Variants in SHQ1 observed in about 807,000 individuals in gnomAD.
SHQ1 encodes the protein protein SHQ1 homolog.
A neutral mutation model predicts 53.8 loss-of-function variants in SHQ1; 49 were observed. The observed-to-expected ratio is 0.91, with a 90% CI of 0.72 to 1.16. The LOEUF (loss-of-function observed/expected upper bound fraction) is 1.16. Among genes scored for constraint, SHQ1 ranks in the 50% most tolerant of loss-of-function variants. SHQ1 has a pLI of 0.00. For missense variants in SHQ1, 738 were observed against 683.1 expected (o/e 1.08, Z -0.90); for synonymous variants, 243 against 251.0 (o/e 0.97, Z 0.30).
chr3:72,812,613 C>A (rs1707159008), intron 9 of SHQ1, 58 bp downstream of exon 9: 2 of 1,594,608 alleles, frequency 1.3e-6, no homozygotes, highest in South Asian at 1.1e-5. Context: ...TATATCTTCA[C>A]AGACTAAAAA....
rs760444538 is a variant in SHQ1 at position 72,844,320 on chromosome 3, T to C, written c.208+39A>G. On this transcript the variant is annotated intron_variant, in intron 2 of 10. Transcript: ENST00000325599. ...ATTATTATGTAAATAATGTGAAAAA[T>C]CCCAAGAAATAAACTAACAAAAATT... The C allele has an allele frequency of 3.9e-6, 6 of 1,547,400 alleles. No individual in the cohort carries two copies. The Admixed American group carries it at 8.4e-5, about 22-fold the overall frequency.
intron 10 of SHQ1, among the ~76,000 whole-genome samples, chr3:72,780,028 G>C (rs1197629428): frequency 6.6e-6 from 1 of 152,156 alleles, no homozygotes; most frequent in Non-Finnish European, 1.5e-5. Context: ...TTGAGGCCAG[G>C]AGTTCGAGAC....
At chr3:72,788,419 G>A (rs955097444) in intron 10 of SHQ1, among the ~76,000 whole-genome samples, 11 of 151,968 alleles carry the variant, frequency 7.2e-5, no homozygotes, top group African/African-American at 2.4e-4. Flanking sequence ...TCTGAGAAGT[G>A]AGGAGCCTCT....
chr3:72,758,708 T>G (rs1270017997), intron 10 of SHQ1, among the ~76,000 whole-genome samples: 1 of 152,016 alleles, frequency 6.6e-6, no homozygotes, highest in Non-Finnish European at 1.5e-5. Context: ...TAGCTGGGAT[T>G]ACAGGCACTC....
At chr3:72,754,175 G>C (rs1244268645) in intron 10 of SHQ1, among the ~76,000 whole-genome samples, 1 of 152,106 alleles carries the variant, frequency 6.6e-6, no homozygotes, top group Non-Finnish European at 1.5e-5. Context: ...TAACCACCTT[G>C]TGAATCAGTG....
chr3:72,838,086 T>C (rs556238771), intron 4 of SHQ1, among the ~76,000 whole-genome samples: 92 of 152,370 alleles, frequency 6.0e-4, no homozygotes, highest in African/African-American at 2.2e-3. Context: ...CACCATACTT[T>C]ATGTAATAAC....
chr3:72,808,055 A>C (rs1244166577), intron 9 of SHQ1, among the ~76,000 whole-genome samples: 2 of 152,232 alleles, frequency 1.3e-5, no homozygotes, highest in Admixed American at 1.3e-4. Flanking sequence ...TAGAAAGAAC[A>C]ATTGTATACG....
At chr3:72,812,649 T>G in intron 9 of SHQ1, 22 bp downstream of exon 9, 1 of 1,608,656 alleles carries the variant, frequency 6.2e-7, no homozygotes, top group Non-Finnish European at 8.5e-7. Flanking sequence ...CTCCCAAATT[T>G]GCAAGTACAG....
In SHQ1 at chr3:72,751,476, ATGTGTGTGTGTG is replaced by A. The variant is rs372032784; in HGVS notation, c.1182-652_1182-641del. On this transcript the variant is annotated intron_variant, in intron 10 of 10. Transcript: ENST00000325599. ...GGTAATATATCTATAATAAGCACAT[ATGTGTGTGTGTG>A]TGTGTGTGTGTGTGTGTGTGTATAT... Among the ~76,000 whole-genome samples, 632 of 109,164 alleles carry A rather than the reference ATGTGTGTGTGTG, an allele frequency of 5.8e-3. 5 individuals carry two copies. The highest frequency in any genetic ancestry group is 7.4e-3 in the Non-Finnish European group (423 of 56,826). The allele number at this position is 109,164 out of a possible 152,430, so 71.6% of individuals were successfully genotyped here. A position where few individuals can be genotyped will look rare whatever the true frequency, so the allele number is the denominator to read the frequency against.
chr3:72,795,657 G>A (rs1177117152), intron 9 of SHQ1: 1 of 152,160 alleles, frequency 6.6e-6, no homozygotes, highest in East Asian at 1.9e-4. Context: ...GTTAGTTTTA[G>A]AACTACTAAA....
intron 3 of SHQ1, 76 bp downstream of exon 3, chr3:72,842,204 C>A (rs1708195129): frequency 2.0e-6 from 3 of 1,519,066 alleles, no homozygotes; most frequent in East Asian, 2.3e-5. Flanking sequence ...TCACTATATC[C>A]CATTTCCCCT....
At chr3:72,813,822 CTCT>C (rs1707211408) in intron 8 of SHQ1, among the ~76,000 whole-genome samples, 1 of 141,664 alleles carries the variant, frequency 7.1e-6, no homozygotes, top group Non-Finnish European at 1.5e-5. Context: ...GTTTCCTCTC[CTCT>C]TTTTCTTTTT....
At chr3:72,800,095 T>G (rs1011494811) in intron 9 of SHQ1, among the ~76,000 whole-genome samples, 4 of 152,112 alleles carry the variant, frequency 2.6e-5, no homozygotes, top group Non-Finnish European at 5.9e-5. Flanking sequence ...TCATGAGGGC[T>G]CTACCCTCAT....
At chr3:72,839,055 A>G (rs571278642) in intron 4 of SHQ1, among the ~76,000 whole-genome samples, 1 of 152,318 alleles carries the variant, frequency 6.6e-6, no homozygotes, top group African/African-American at 2.4e-5. Context: ...CATTCCTACA[A>G]CATCTCAGCA....
intron 1 of SHQ1, 28 bp downstream of exon 1, chr3:72,848,170 T>C: frequency 2.5e-6 from 4 of 1,613,770 alleles, no homozygotes; most frequent in Non-Finnish European, 3.4e-6. Flanking sequence ...GAATGCGCCT[T>C]TCCTGCGGCC....
intron 3 of SHQ1, among the ~76,000 whole-genome samples, chr3:72,841,641 A>G (rs187304323): frequency 6.6e-6 from 1 of 152,288 alleles, no homozygotes; most frequent in Non-Finnish European, 1.5e-5. Context: ...GGTGGTGTTC[A>G]CTTTACATCA....
chr3:72,728,146 T>C, the SHQ1 span, among the ~76,000 whole-genome samples: 22 of 152,160 alleles, frequency 1.4e-4, no homozygotes, highest in Non-Finnish European at 2.9e-4. Context: ...CTCTTACCAG[T>C]ACTTCCTGGA....
intron 10 of SHQ1, among the ~76,000 whole-genome samples, chr3:72,766,993 A>G (rs1705744867): frequency 6.6e-6 from 1 of 152,186 alleles, no homozygotes; most frequent in Admixed American, 6.5e-5. Flanking sequence ...GAAAATAGCC[A>G]CATGTGGCAA....
intron 4 of SHQ1, among the ~76,000 whole-genome samples, chr3:72,833,495 TAGATAGACAGACAGACAGAC>T (rs1399850079): frequency 5.7e-5 from 3 of 53,086 alleles, no homozygotes; most frequent in Non-Finnish European, 1.3e-4. Flanking sequence ...GATAGATAGA[TAGATAGACAGACAGACAGAC>T]AGATAGATGG....
Sources: gnomAD v4.1 joint callset for allele counts (sites outside exome capture counted in the v4.1 genomes callset) on GRCh38, gnomAD v4.1.1 for gene constraint, MANE v1.5 for transcripts, NCBI Gene and HGNC (gene_info 2026-07-23, HGNC 2026-07-21) for gene names.